The following COL20A1 variants were observed in gnomAD, a reference collection of about 807,000 sequenced individuals.
The protein encoded by COL20A1 is collagen type XX alpha 1 chain.
COL20A1 carries 164 observed loss-of-function variants against 152.9 expected under a neutral mutation model. The observed-to-expected ratio is 1.07, with a 90% CI of 0.94 to 1.22. The LOEUF is 1.22. Among genes scored for constraint, COL20A1 ranks in the 50% most tolerant of loss-of-function variants. COL20A1 has a pLI of 0.00. For synonymous variants in COL20A1, 864 were observed against 756.0 expected (o/e 1.14, Z -2.34); for missense variants, 1,873 against 1,744.8 (o/e 1.07, Z -1.31).
At position 63,325,508 on chromosome 20, in the gene COL20A1, G is replaced by A. The variant is rs763022042; in HGVS notation, c.3348+14G>A. ...CCAGGCTTGCAGGTAGTGTGGCTGG[G>A]GCCAGGGGGCCACAGGGGTTGGTGG... On this transcript the variant is annotated intron_variant, in intron 28 of 35. Coordinates refer to ENST00000358894, the MANE Select transcript of COL20A1 (RefSeq NM_020882.4). 4.3e-6 allele frequency: 7 copies of A among 1,610,050 alleles called. No individual in the cohort carries two copies. In the Admixed American group the frequency reaches 5.0e-5, roughly 12 times the overall value.
At chr20:63,318,528 C>T (rs1031476908) in intron 21 of COL20A1, among the ~76,000 whole-genome samples, 1 of 152,132 alleles carries the variant, frequency 6.6e-6, no homozygotes, top group Non-Finnish European at 1.5e-5. Flanking sequence ...ACCCACTGGG[C>T]GGTGCCAATG....
chr20:63,304,263 G>C (rs867920984), intron 3 of COL20A1, among the ~76,000 whole-genome samples: 444 of 86,988 alleles, frequency 5.1e-3, no homozygotes, highest in Non-Finnish European at 7.4e-3. Flanking sequence ...CTCCCTCCAG[G>C]TGCGCAGGTG....
At chr20:63,293,377 G>A (rs2067740289) in intron 1 of COL20A1, 102 bp downstream of exon 1, 2 of 152,224 alleles carry the variant, frequency 1.3e-5, no homozygotes, top group African/African-American at 4.8e-5. Flanking sequence ...GAAAAGTCTA[G>A]ATAGAGGCCA....
chr20:63,311,458 C>T lies in COL20A1; in HGVS notation c.1458C>T (p.Thr486=). Residue 486 remains threonine, a synonymous_variant, in exon 12 of 36, where the codon ACC becomes ACT. Transcript: ENST00000358894. This position sits in a 1 kb window ranked among gnomAD's most constrained non-coding sequence, Gnocchi z 4.4. The stretch of plus-strand genomic sequence containing the variant: ...TGACGCCCAGAACCGTCCACCTCAC[C>T]TGGCAGCCCTCGGCCGGGGCCACCC... ...AAVTPRTVHL[T]WQPSAGATHY... The T allele has an allele frequency of 6.4e-7, 1 of 1,574,698 alleles. No homozygotes were observed. Among genetic ancestry groups the T allele is most frequent in the Non-Finnish European group, 8.6e-7 (1 of 1,160,720 alleles).
At chr20:63,293,325 G>C (rs891469291) in intron 1 of COL20A1, 50 bp downstream of exon 1, 1 of 152,278 alleles carries the variant, frequency 6.6e-6, no homozygotes, top group African/African-American at 2.4e-5. Context: ...GGGGCTGCCA[G>C]GAGATCCACT....
intron 2 of COL20A1, among the ~76,000 whole-genome samples, chr20:63,295,635 G>T (rs372837888): frequency 6.6e-6 from 1 of 152,136 alleles, no homozygotes; most frequent in South Asian, 2.1e-4. Flanking sequence ...ATCCCTGGGC[G>T]ACAGCACCAC....
rs2068156056 is a variant in COL20A1 at position 63,321,057 on chromosome 20, T to C, written c.3198T>C (p.Cys1066=). The C allele has an allele frequency of 1.2e-6, 2 of 1,602,524 alleles. No individual in the cohort carries two copies. The highest frequency in any genetic ancestry group is 1.7e-6 in the Non-Finnish European group (2 of 1,175,316). ...CCGCCTTCGTGTCTGCCTGTTCCTGTTCCTCAGAGACCCCTGGGCCCCCAG... is the reference window on the plus strand; with the variant it reads ...CCGCCTTCGTGTCTGCCTGTTCCTGCTCCTCAGAGACCCCTGGGCCCCCAG... The part of the protein sequence containing the change: ...TCPAFVSACS[C]SSETPGPPGP... Residue 1066 remains cysteine (C), a synonymous_variant, in exon 26 of 36, where the codon TGT becomes TGC. Coordinates refer to ENST00000358894, the MANE Select transcript of COL20A1 (RefSeq NM_020882.4).
At chr20:63,295,648 C>T (rs2067782199) in intron 2 of COL20A1, among the ~76,000 whole-genome samples, 1 of 152,218 alleles carries the variant, frequency 6.6e-6, no homozygotes, top group Non-Finnish European at 1.5e-5. Flanking sequence ...AGCACCACGT[C>T]CTCAGAAGGC....
chr20:63,298,299 A>AT (rs935838741), intron 3 of COL20A1, among the ~76,000 whole-genome samples: 1 of 151,978 alleles, frequency 6.6e-6, no homozygotes, highest in Non-Finnish European at 1.5e-5. Context: ...TCAATTTTTA[A>AT]TTTTTTTTAA....
In COL20A1 at chr20:63,313,214, C is replaced by A. The variant is rs1436437960; in HGVS notation, c.2174C>A (p.Ala725Asp). Reference protein sequence around the residue: ...VTILAYYRDGARSDPVSLRYT... With the variant: ...VTILAYYRDGDRSDPVSLRYT... ...ATCTTGGCCTACTACAGGGACGGGG[C>A]CCGCAGTGACCCTGTGTCCCTCCGC... is the stretch of plus-strand genomic sequence containing the variant. Residue 725 changes from alanine to aspartate, a missense_variant, in exon 17 of 36, where the codon GCC (alanine) becomes GAC (aspartate). Coordinates refer to ENST00000358894, the MANE Select transcript of COL20A1 (RefSeq NM_020882.4). The surrounding 1 kb of genome is among the most constrained non-coding windows in gnomAD (Gnocchi z 5.9). 1 of 1,612,314 alleles carries A rather than the reference C, an allele frequency of 6.2e-7. No homozygotes were observed.
At chr20:63,322,949 C>T (rs971029419) in intron 27 of COL20A1, among the ~76,000 whole-genome samples, 36 of 152,234 alleles carry the variant, frequency 2.4e-4, no homozygotes. Flanking sequence ...CACAGAGTCC[C>T]TAGGACAGTC....
chr20:63,321,174 A>C, intron 26 of COL20A1, 75 bp downstream of exon 26: 1 of 985,940 alleles, frequency 1.0e-6, no homozygotes. Context: ...TGGATGTGTA[A>C]CCCAGGCCCT....
intron 19 of COL20A1, among the ~76,000 whole-genome samples, chr20:63,315,101 C>T (rs141519331): frequency 7.2e-5 from 11 of 152,362 alleles, no homozygotes; most frequent in Admixed American, 4.6e-4. Context: ...GACCAGTACC[C>T]TCGAAGGGTA....
chr20:63,312,068 C>T lies in COL20A1; in HGVS notation c.1803+13C>T. On this transcript the variant is annotated intron_variant, in intron 14 of 35. Coordinates refer to ENST00000358894, the MANE Select transcript of COL20A1 (RefSeq NM_020882.4). ...ACACTCGGGGCAGGTGAGAGCAGAG[C>T]CCTCCGGGGGCCCGAGTGTCTTGAG... The T allele has an allele frequency of 6.5e-7, 1 of 1,543,764 alleles. No individual in the cohort carries two copies. Among genetic ancestry groups the T allele is most frequent in the South Asian group, 1.2e-5 (1 of 82,220 alleles).
In COL20A1 at chr20:63,305,765, C is replaced by A; in HGVS notation, c.338-116C>A. 1 of 1,204,556 alleles carries A rather than the reference C, an allele frequency of 8.3e-7. No individual in the cohort carries two copies. The highest frequency in any genetic ancestry group is 1.2e-6 in the Non-Finnish European group (1 of 851,964). The allele number at this position is 1,204,556 out of a possible 1,614,324, so 74.6% of individuals were successfully genotyped here. A position where few individuals can be genotyped will look rare whatever the true frequency, so the allele number is the denominator to read the frequency against. On this transcript the variant is annotated intron_variant, in intron 4 of 35. Transcript: ENST00000358894. This position sits in a 1 kb window ranked among gnomAD's most constrained non-coding sequence, Gnocchi z 4.9. ...GCCCCTGACATCTTTGCATGCCTCCCAGGCTCCTGGGCCCTCAGCACCCAC... is the reference window on the plus strand; with the variant it reads ...GCCCCTGACATCTTTGCATGCCTCCAAGGCTCCTGGGCCCTCAGCACCCAC...
rs1216676500 is a variant in COL20A1 at position 63,333,998 on chromosome 20, A to G, written c.*3282A>G. ...TTGGGGAAGGGCGTGGAACATTTGG[A>G]CTTGAGCCCCAGCACAGAGACGATG... On this transcript the variant is annotated 3_prime_UTR_variant, in exon 36 of 36. Transcript: ENST00000358894. The G allele has an allele frequency of 6.6e-6, 1 of 152,216 alleles. No individual in the cohort carries two copies. Among genetic ancestry groups the G allele is most frequent in the Non-Finnish European group, 1.5e-5 (1 of 68,076 alleles). 9.4% of individuals were successfully genotyped at this position (152,216 alleles called of 1,614,324 possible).
In COL20A1 at chr20:63,305,737, C is replaced by CTTGCCCCTGACATCT; in HGVS notation, c.338-139_338-125dup. ...AGTCCCGACTCACCAGCAAGGCTGC[C>CTTGCCCCTGACATCT]TTGCCCCTGACATCTTTGCATGCCT... On this transcript the variant is annotated intron_variant, in intron 4 of 35. Coordinates refer to ENST00000358894, the MANE Select transcript of COL20A1 (RefSeq NM_020882.4). The surrounding 1 kb of genome is among the most constrained non-coding windows in gnomAD (Gnocchi z 4.9). 5.5e-6 allele frequency: 6 copies of CTTGCCCCTGACATCT among 1,093,040 alleles called. No homozygotes were observed. The highest frequency in any genetic ancestry group is 7.9e-6 in the Non-Finnish European group (6 of 762,284). The allele number at this position is 1,093,040 out of a possible 1,614,324, so 67.7% of individuals were successfully genotyped here. A position where few individuals can be genotyped will look rare whatever the true frequency, so the allele number is the denominator to read the frequency against.
At chr20:63,322,450 G>A (rs957553046) in intron 27 of COL20A1, among the ~76,000 whole-genome samples, 1 of 152,226 alleles carries the variant, frequency 6.6e-6, no homozygotes, top group Admixed American at 6.5e-5. Flanking sequence ...CCTGAAGGCC[G>A]CCCTTGATTT....
chr20:63,316,247 T>G (rs1388518511), intron 20 of COL20A1, among the ~76,000 whole-genome samples: 1 of 152,100 alleles, frequency 6.6e-6, no homozygotes, highest in African/African-American at 2.4e-5. Context: ...CTTGTCCATC[T>G]CTGGGTCTCC....
Sources: allele counts gnomAD v4.1 joint callset (sites outside exome capture counted in the v4.1 genomes callset), GRCh38; gene constraint gnomAD v4.1.1; non-coding constraint Gnocchi (gnomAD v3.1); transcripts MANE v1.5; gene names NCBI Gene and HGNC (gene_info 2026-07-23, HGNC 2026-07-21).